The following ABCA10 variants were observed in gnomAD, a reference collection of about 807,000 sequenced individuals.
ABCA10 encodes ATP-binding cassette sub-family A member 10.
A neutral mutation model predicts 187.5 loss-of-function variants in ABCA10; 169 were observed. The observed-to-expected ratio is 0.90, with a 90% CI of 0.80 to 1.02. ABCA10 has a LOEUF of 1.02. Ranked by LOEUF, ABCA10 falls within the 50% of genes least tolerant of loss-of-function variation. The probability of loss-of-function intolerance (pLI) is 0.00; values close to 1 mark genes in which losing one functional copy is unlikely to be tolerated. For missense variants in ABCA10, 1,727 were observed against 1,812.4 expected, an observed-to-expected ratio of 0.95 and a Z score of 0.86; for synonymous variants, 574 against 601.8, an observed-to-expected ratio of 0.95 and a Z score of 0.68.
chr17:69,229,804 A>G (rs762593281), upstream of ABCA10, among the ~76,000 whole-genome samples: 7 of 152,060 alleles, frequency 4.6e-5, no homozygotes, highest in Admixed American at 6.6e-5. Context: ...AATAGAAAAC[A>G]TGAAACTTAA....
chr17:69,235,948 G>A (rs1319343085), intron 1 of ABCA10, among the ~76,000 whole-genome samples: 1 of 152,076 alleles, frequency 6.6e-6, no homozygotes, highest in African/African-American at 2.4e-5. Context: ...CTTTAACTAG[G>A]CAAAAGAAAA....
intron 1 of ABCA10, among the ~76,000 whole-genome samples, chr17:69,228,076 C>A (rs2074807416): frequency 6.6e-6 from 1 of 151,764 alleles, no homozygotes; most frequent in Admixed American, 6.6e-5. Flanking sequence ...TCCCCTTTTT[C>A]ATAAAATAAA....
chr17:69,222,415 C>T (rs2074756230), intron 4 of ABCA10, 118 bp downstream of exon 4: 6 of 865,978 alleles, frequency 6.9e-6, no homozygotes, highest in Non-Finnish European at 8.2e-6. Flanking sequence ...TGATTAAGTT[C>T]AGAGGGAAAT....
At chr17:69,211,026 C>T (rs1023200344) in intron 9 of ABCA10, among the ~76,000 whole-genome samples, 9 of 150,600 alleles carry the variant, frequency 6.0e-5, no homozygotes, top group African/African-American at 1.9e-4. Context: ...TTACACTGCT[C>T]GTGGGAATGT....
chr17:69,203,032 A>G (rs2074559801), intron 9 of ABCA10, among the ~76,000 whole-genome samples: 1 of 152,238 alleles, frequency 6.6e-6, no homozygotes, highest in African/African-American at 2.4e-5. Context: ...GCTAAGGAAG[A>G]AGAGACACAA....
chr17:69,210,979 T>C (rs2074643599), intron 9 of ABCA10, among the ~76,000 whole-genome samples: 2 of 151,046 alleles, frequency 1.3e-5, no homozygotes, highest in South Asian at 4.2e-4. Context: ...CAAAAAAGAA[T>C]AGATGTTGGC....
At chr17:69,242,074 T>C (rs1312679382) in intron 1 of ABCA10, among the ~76,000 whole-genome samples, 1 of 152,216 alleles carries the variant, frequency 6.6e-6, no homozygotes, top group Non-Finnish European at 1.5e-5. Flanking sequence ...GAAGCTGAGA[T>C]TTCTTACCAA....
At chr17:69,172,937 A>G (rs1172514435) in intron 25 of ABCA10, among the ~76,000 whole-genome samples, 1 of 152,182 alleles carries the variant, frequency 6.6e-6, no homozygotes, top group East Asian at 1.9e-4. Flanking sequence ...AATACTGAAC[A>G]AAAGAAATCT....
In ABCA10 at chr17:69,158,556, T is replaced by G. The variant is rs28629345; in HGVS notation, c.3364-1633A>C. Among the ~76,000 whole-genome samples the G allele has an allele frequency of 3.9e-3, 591 of 151,940 alleles. 5 individuals are homozygous for G. Among genetic ancestry groups the G allele is most frequent in the African/African-American group, 0.014 (570 of 41,550 alleles). On this transcript the variant is annotated intron_variant, in intron 27 of 38. Coordinates refer to ENST00000690296, the MANE Select transcript of ABCA10 (RefSeq NM_001377321.1). ...AAAAATATAAAATAAAATACTAAAGTATATAAAATAAACCTTAAATGCAGA... is the reference window on the plus strand; with the variant it reads ...AAAAATATAAAATAAAATACTAAAGGATATAAAATAAACCTTAAATGCAGA...
upstream of ABCA10, among the ~76,000 whole-genome samples, chr17:69,229,247 GGGGCTAACA>G (rs1385570913): frequency 6.6e-6 from 1 of 151,958 alleles, no homozygotes; most frequent in African/African-American, 2.4e-5. Context: ...TTTGAAAGGT[GGGGCTAACA>G]GGTGAAGTTA....
At chr17:69,240,421 C>T (rs2074896909) in intron 1 of ABCA10, among the ~76,000 whole-genome samples, 1 of 152,110 alleles carries the variant, frequency 6.6e-6, no homozygotes, top group East Asian at 1.9e-4. Flanking sequence ...GAAATAAGTT[C>T]TTTATTTCTG....
chr17:69,192,748 G>T, intron 15 of ABCA10, 95 bp from the exon 16 acceptor site: 1 of 1,050,544 alleles, frequency 9.5e-7, no homozygotes, highest in African/African-American at 1.6e-5. Context: ...AATGAAATTT[G>T]TAATATCAAT....
intron 1 of ABCA10, among the ~76,000 whole-genome samples, chr17:69,238,159 CA>C (rs60735465): frequency 0.73 from 99,281 of 135,492 alleles, 35,526 homozygotes; most frequent in African/African-American, 0.77. Flanking sequence ...GAGACTCTGT[CA>C]AAAAAAAAAA....
chr17:69,151,968 G>A, intron 36 of ABCA10, 75 bp downstream of exon 36: 2 of 1,539,782 alleles, frequency 1.3e-6, no homozygotes, highest in Admixed American at 4.2e-5. Context: ...TTCCGGTTTA[G>A]ACTAGCACAA....
chr17:69,195,297 C>T (rs957234017), intron 11 of ABCA10, among the ~76,000 whole-genome samples: 1 of 152,020 alleles, frequency 6.6e-6, no homozygotes, highest in Non-Finnish European at 1.5e-5. Flanking sequence ...ATACTTCGAG[C>T]TTAGTTTGAT....
In ABCA10 at chr17:69,216,258, T is replaced by C; in HGVS notation, c.631A>G (p.Met211Val). The stretch of plus-strand genomic sequence containing the variant: ...AAGCTATAGAGTGTGAATATCACCA[T>C]GAAGCCAGTATGAAATACAATTGGG... ...SIPIVFHTGF[M>V]VIFTLYSLYG... The change falls in exon 7 of 39, where the codon ATG (methionine) becomes GTG (valine). Residue 211 changes from methionine (M) to valine (V), a missense_variant. By Grantham distance (21) the Met-to-Val change is conservative (BLOSUM62 1). Coordinates refer to ENST00000690296, the MANE Select transcript of ABCA10 (RefSeq NM_001377321.1). 1 of 1,613,714 alleles carries C rather than the reference T, an allele frequency of 6.2e-7. No homozygotes were observed. The highest frequency in any genetic ancestry group is 8.5e-7 in the Non-Finnish European group (1 of 1,179,808).
chr17:69,175,548 A>G, intron 22 of ABCA10, 35 bp from the exon 23 acceptor site: 1 of 1,472,326 alleles, frequency 6.8e-7, no homozygotes, highest in South Asian at 1.2e-5. Context: ...AGCTGTTGCA[A>G]TTGTTACAAA....
chr17:69,211,608 C>T (rs1185837253), intron 9 of ABCA10, among the ~76,000 whole-genome samples: 2 of 151,176 alleles, frequency 1.3e-5, no homozygotes, highest in East Asian at 3.9e-4. Context: ...CCATCTGTTC[C>T]TGGACTCTTT....
chr17:69,231,966 C>G (rs972034050), upstream of ABCA10, among the ~76,000 whole-genome samples: 1 of 151,924 alleles, frequency 6.6e-6, no homozygotes, highest in Non-Finnish European at 1.5e-5. Flanking sequence ...ATTATTATAT[C>G]CTGTTGCTGT....
Sources: allele counts gnomAD v4.1 joint callset (sites outside exome capture counted in the v4.1 genomes callset), GRCh38; gene constraint gnomAD v4.1.1; transcripts MANE v1.5; gene names NCBI Gene and HGNC (gene_info 2026-07-23, HGNC 2026-07-21).